Variants in BAZ1B observed in about 807,000 individuals in gnomAD.
BAZ1B encodes the protein tyrosine-protein kinase BAZ1B.
A neutral mutation model predicts 153.8 loss-of-function variants in BAZ1B; 22 were observed. That is an observed-to-expected ratio of 0.14 (90% CI 0.10 to 0.20). BAZ1B has a LOEUF of 0.20. Among genes scored for constraint, BAZ1B ranks in the 10% least tolerant of loss-of-function variants. The pLI is 1.00. For synonymous variants in BAZ1B, 676 were observed against 633.4 expected, an observed-to-expected ratio of 1.07 and a Z score of -1.01; for missense variants, 1,325 against 1,799.3, an observed-to-expected ratio of 0.74 and a Z score of 4.77.
At position 73,441,451 on chromosome 7, in the gene BAZ1B, G is replaced by T. The variant is rs1787612602; in HGVS notation, c.*258C>A. The T allele has an allele frequency of 6.6e-6, 1 of 152,250 alleles. No homozygotes were observed. The highest frequency in any genetic ancestry group is 6.6e-5 in the Admixed American group (1 of 15,262). The allele number at this position is 152,250 out of a possible 1,614,324, so 9.4% of individuals were successfully genotyped here. ...TCTGGCCAGATCCATCAAAGTAAAG[G>T]TTATATGCATGATTATAAGCAGGAC... On this transcript the variant is annotated 3_prime_UTR_variant, in exon 20 of 20. Coordinates refer to ENST00000339594, the MANE Select transcript of BAZ1B (RefSeq NM_032408.4).
At position 73,463,118 on chromosome 7, in the gene BAZ1B, G is replaced by C. The variant is rs1788453788; in HGVS notation, c.3072-19C>G. 7 of 1,572,418 alleles carry C rather than the reference G, an allele frequency of 4.5e-6. No individual in the cohort carries two copies. In the East Asian group the frequency reaches 1.4e-4, roughly 30 times the overall value. On this transcript the variant is annotated intron_variant, in intron 11 of 19. Transcript: ENST00000339594. ...CTGGTACCTAGAAGATTTGGGACAA[G>C]AGAATGGGGAAAGAAACAAACTTTT...
rs1280998517 is a variant in BAZ1B, at chr7:73,498,534, T to C, written c.534A>G (p.Thr178=). ...TCCTTCCTTCATCCTCTTTCACAAC[T>C]GTCTCCTTCTTCTGATGGTCCTGAG... is the stretch of plus-strand genomic sequence containing the variant. ...QIAQDHQKKE[T]VVKEDEGRRE... The change falls in exon 4 of 20, where the codon ACA becomes ACG. Residue 178 remains threonine, a synonymous_variant. Coordinates refer to ENST00000339594, the MANE Select transcript of BAZ1B (RefSeq NM_032408.4). The C allele has an allele frequency of 2.5e-6, 4 of 1,613,996 alleles. No homozygotes were observed. The highest frequency in any genetic ancestry group is 2.7e-5 in the African/African-American group (2 of 74,926).
chr7:73,444,440 A>G (rs1335293619), intron 16 of BAZ1B, among the ~76,000 whole-genome samples: 1 of 152,202 alleles, frequency 6.6e-6, no homozygotes, highest in Non-Finnish European at 1.5e-5. Context: ...GCAGGAATCA[A>G]CTGTAAACTC....
chr7:73,446,602 G>T (rs920416535), intron 16 of BAZ1B, among the ~76,000 whole-genome samples: 4 of 125,692 alleles, frequency 3.2e-5, no homozygotes, highest in Non-Finnish European at 5.2e-5. Context: ...GCTGCTAAAA[G>T]AAAGGCTAGA....
chr7:73,495,496 G>A (rs1431860781), intron 4 of BAZ1B, among the ~76,000 whole-genome samples: 1 of 152,174 alleles, frequency 6.6e-6, no homozygotes, highest in Non-Finnish European at 1.5e-5. Flanking sequence ...AGGAATGGCA[G>A]GGAAGGAAGG....
chr7:73,445,968 T>C (rs781922954), intron 16 of BAZ1B, among the ~76,000 whole-genome samples: 18 of 152,152 alleles, frequency 1.2e-4, no homozygotes, highest in Non-Finnish European at 2.5e-4. Context: ...GGCCATTTGT[T>C]CACTTACCCT....
At chr7:73,476,049 G>A (rs983660168) in intron 7 of BAZ1B, among the ~76,000 whole-genome samples, 2 of 151,886 alleles carry the variant, frequency 1.3e-5, no homozygotes, top group African/African-American at 2.4e-5. Flanking sequence ...ATTATGCTAA[G>A]TGAAAGTCAC....
Position 73,443,999 on chromosome 7 carries a change from A to G in BAZ1B, c.3975T>C (p.Ala1325=), listed in dbSNP as rs1323737708. 6.2e-7 allele frequency: 1 copy of G among 1,613,468 alleles called. No individual in the cohort carries two copies. The highest frequency in any genetic ancestry group is 8.5e-7 in the Non-Finnish European group (1 of 1,179,822). Residue 1325 remains alanine, a synonymous_variant, in exon 17 of 20, where the codon GCT becomes GCC. Coordinates refer to ENST00000339594, the MANE Select transcript of BAZ1B (RefSeq NM_032408.4). ...TAATTCTCACCAGCTCATCCACCTC[A>G]GCATCATCCACAGGTGGTGCCTTGG... ...SQPKAPPVDD[A]EVDELVLQTK...
At chr7:73,495,030 T>C (rs1789818746) in intron 4 of BAZ1B, among the ~76,000 whole-genome samples, 1 of 152,206 alleles carries the variant, frequency 6.6e-6, no homozygotes, top group African/African-American at 2.4e-5. Flanking sequence ...ACGCCTGTAA[T>C]TCCAGCACTT....
At chr7:73,514,985 C>A (rs1343068225) in intron 1 of BAZ1B, among the ~76,000 whole-genome samples, 3 of 151,854 alleles carry the variant, frequency 2.0e-5, no homozygotes, top group African/African-American at 7.3e-5. Flanking sequence ...AGGCAGAGAA[C>A]TGCTTGAATG....
At chr7:73,455,514 G>A (rs1312886021) in intron 13 of BAZ1B, among the ~76,000 whole-genome samples, 3 of 151,842 alleles carry the variant, frequency 2.0e-5, no homozygotes, top group Non-Finnish European at 2.9e-5. Context: ...GGGCGAGGTG[G>A]CTCATGCCTG....
Position 73,443,763 on chromosome 7 carries a change from T to C in BAZ1B, c.3990+221A>G, listed in dbSNP as rs1787718724. Among the ~76,000 whole-genome samples, 3 of 152,176 alleles carry C rather than the reference T, an allele frequency of 2.0e-5. No individual in the cohort carries two copies. The South Asian group carries it at 6.2e-4, about 32-fold the overall frequency. On this transcript the variant is annotated intron_variant, in intron 17 of 19. Transcript: ENST00000339594. ...GTTGCAGGCTGCCCGCTAACTAGTTTGCAGGCTACAGCAGGGGAATGCCGG... is the reference window on the plus strand; with the variant it reads ...GTTGCAGGCTGCCCGCTAACTAGTTCGCAGGCTACAGCAGGGGAATGCCGG...
At chr7:73,479,771 T>C (rs1213709237) in intron 6 of BAZ1B, among the ~76,000 whole-genome samples, 3 of 152,132 alleles carry the variant, frequency 2.0e-5, no homozygotes, top group Admixed American at 1.3e-4. Flanking sequence ...TCTCTTATTC[T>C]ATTGTATCTA....
chr7:73,483,010 C>T (rs1554573916), intron 6 of BAZ1B, among the ~76,000 whole-genome samples: 1 of 152,114 alleles, frequency 6.6e-6, no homozygotes, highest in Non-Finnish European at 1.5e-5. Context: ...TCCCTATCCC[C>T]CACTCAGCAC....
chr7:73,496,422 T>C (rs1554576391), intron 4 of BAZ1B, among the ~76,000 whole-genome samples: 1 of 152,156 alleles, frequency 6.6e-6, no homozygotes, highest in African/African-American at 2.4e-5. Context: ...CCAAAACATC[T>C]AGACACACAA....
At chr7:73,516,797 A>C (rs373065837) in intron 1 of BAZ1B, among the ~76,000 whole-genome samples, 106 of 148,682 alleles carry the variant, frequency 7.1e-4, no homozygotes, top group African/African-American at 2.5e-3. Flanking sequence ...AAAAAAAAAA[A>C]AACAACTGTA....
chr7:73,481,018 C>G (rs985896297), intron 6 of BAZ1B, among the ~76,000 whole-genome samples: 6 of 152,136 alleles, frequency 3.9e-5, no homozygotes, highest in African/African-American at 1.4e-4. Flanking sequence ...CCTCCACCTC[C>G]CAGGCTCAAG....
chr7:73,496,308 A>T (rs1348807598), intron 4 of BAZ1B, among the ~76,000 whole-genome samples: 1 of 152,228 alleles, frequency 6.6e-6, no homozygotes, highest in African/African-American at 2.4e-5. Context: ...AGGAGAAAAC[A>T]AACTGAAGTA....
At chr7:73,447,239 C>T in intron 16 of BAZ1B, 25 bp downstream of exon 16, 1 of 1,613,100 alleles carries the variant, frequency 6.2e-7, no homozygotes, top group South Asian at 1.1e-5. Context: ...GTGAAATCAA[C>T]TACAAAGGCA....
Sources: gnomAD v4.1 joint callset for allele counts (sites outside exome capture counted in the v4.1 genomes callset) on GRCh38, gnomAD v4.1.1 for gene constraint, MANE v1.5 for transcripts, NCBI Gene and HGNC (gene_info 2026-07-23, HGNC 2026-07-21) for gene names.